The following NPVF variants were observed in gnomAD, a reference collection of about 807,000 sequenced individuals.
The protein encoded by NPVF is pro-FMRFamide-related neuropeptide VF.
NPVF carries 17 observed loss-of-function variants against 15.7 expected under a neutral mutation model. The observed-to-expected ratio is 1.08, with a 90% CI of 0.74 to 1.62. NPVF has a LOEUF of 1.62. NPVF is among the 40% of genes most tolerant of loss of function. The pLI is 0.00. For synonymous variants in NPVF, 70 were observed against 80.1 expected, an observed-to-expected ratio of 0.87 and a Z score of 0.67; for missense variants, 270 against 225.2, an observed-to-expected ratio of 1.20 and a Z score of -1.27.
rs1410456418 is a variant in NPVF at position 25,226,957 on chromosome 7, C to T, written c.208G>A (p.Val70Ile). The change falls in exon 2 of 3, where the codon GTT (valine) becomes ATT (isoleucine). Residue 70 changes from valine to isoleucine, a missense_variant. By Grantham distance (29) the Val-to-Ile change is conservative. Coordinates refer to ENST00000222674, the MANE Select transcript of NPVF (RefSeq NM_022150.3). ...ACTGCAGGTGTACTCATCTTAATAA[C>T]ATTTTTTGGTCCCCAATCTTTTAAT... ...EELKDWGPKN[V>I]IKMSTPAVNK... is the part of the protein sequence containing the mutation. The T allele has an allele frequency of 6.2e-7, 1 of 1,610,452 alleles. No individual in the cohort carries two copies. Among genetic ancestry groups the T allele is most frequent in the South Asian group, 1.1e-5 (1 of 90,632 alleles).
At chr7:25,227,085 C>T in intron 1 of NPVF, 59 bp from the exon 2 acceptor site, 1 of 1,399,346 alleles carries the variant, frequency 7.1e-7, no homozygotes, top group Non-Finnish European at 9.8e-7. Flanking sequence ...CAGATTTAAA[C>T]CCCCAATTAA....
In NPVF at chr7:25,225,185, G is replaced by T; in HGVS notation, c.540-12C>A. On this transcript the variant is annotated splice_polypyrimidine_tract_variant and intron_variant, in intron 2 of 2. Transcript: ENST00000222674. ...TGAATAGCAGTCTCCTAAAATGTAA[G>T]CAGTATAAAATGTTGTCACCCATCA... is the stretch of plus-strand genomic sequence containing the variant. 6.2e-7 allele frequency: 1 copy of T among 1,609,684 alleles called. No individual in the cohort carries two copies. The highest frequency in any genetic ancestry group is 8.5e-7 in the Non-Finnish European group (1 of 1,176,870).
rs1243874151 is a variant in NPVF, at chr7:25,226,951, T to A, written c.214A>T (p.Lys72Ter). 1.6e-6 allele frequency: 2 copies of A among 1,281,726 alleles called. No individual in the cohort carries two copies. Among genetic ancestry groups the A allele is most frequent in the Middle Eastern group, 2.2e-4 (1 of 4,534 alleles). The allele number at this position is 1,281,726 out of a possible 1,614,324, so 79.4% of individuals were successfully genotyped here. The change falls in exon 2 of 3, where the codon AAG becomes TAG. Residue 72 changes from lysine to a stop codon, truncating the protein, a stop_gained. Coordinates refer to ENST00000222674, the MANE Select transcript of NPVF (RefSeq NM_022150.3). LOFTEE classifies it high-confidence loss of function. The stretch of plus-strand genomic sequence containing the variant: ...TTATTGACTGCAGGTGTACTCATCT[T>A]AATAACATTTTTTGGTCCCCAATCT... ...LKDWGPKNVI[K>*]MSTPAVNKMP...
chr7:25,228,201 G>C, intron 1 of NPVF, 101 bp downstream of exon 1: 1 of 844,532 alleles, frequency 1.2e-6, no homozygotes. Flanking sequence ...AAAAAACAGA[G>C]TACACACCAA....
chr7:25,225,092 C>T lies in NPVF; in HGVS notation c.*30G>A, dbSNP rs749375890. 54 of 1,604,304 alleles carry T rather than the reference C, an allele frequency of 3.4e-5. 1 individual carries two copies. In the South Asian group the frequency reaches 6.0e-4, roughly 18 times the overall value. ...TATAGAGCCATTTGTAGATTACAGG[C>T]CACAGCTTTAGGGACAGGCTCCAGG... On this transcript the variant is annotated 3_prime_UTR_variant, in exon 3 of 3. Transcript: ENST00000222674.
intron 2 of NPVF, among the ~76,000 whole-genome samples, chr7:25,225,956 G>A (rs1321768614): frequency 6.6e-6 from 1 of 152,120 alleles, no homozygotes; most frequent in Non-Finnish European, 1.5e-5. Flanking sequence ...TCCTGAGAAG[G>A]TCTCTCAGAT....
intron 1 of NPVF, among the ~76,000 whole-genome samples, chr7:25,227,312 T>A (rs1361748965): frequency 6.6e-6 from 1 of 152,144 alleles, no homozygotes; most frequent in Admixed American, 6.5e-5. Context: ...AGTACTGAAA[T>A]GTGGCAAAAG....
At chr7:25,225,204 C>T (rs755752425) in intron 2 of NPVF, 31 bp from the exon 3 acceptor site, 15 of 1,552,052 alleles carry the variant, frequency 9.7e-6, no homozygotes, top group Admixed American at 1.7e-5. Context: ...AATGTTGTCA[C>T]CCATCAGAAC....
In NPVF at chr7:25,224,905, T is replaced by A. The variant is rs974541504; in HGVS notation, c.*217A>T. 2 of 507,860 alleles carry A rather than the reference T, an allele frequency of 3.9e-6. No individual in the cohort carries two copies. The highest frequency in any genetic ancestry group is 2.0e-5 in the African/African-American group (1 of 50,098). 31.5% of individuals were successfully genotyped at this position (507,860 alleles called of 1,614,324 possible). On this transcript the variant is annotated 3_prime_UTR_variant, in exon 3 of 3. Transcript: ENST00000222674. ...TTTCTAAAGCATTTGCAATGCTTTT[T>A]TTTTATTCAGACAAAAATCATTTTA...
Position 25,226,609 on chromosome 7 carries a change from G to A in NPVF, c.539+17C>T. 1 of 1,609,156 alleles carries A rather than the reference G, an allele frequency of 6.2e-7. No individual in the cohort carries two copies. Among genetic ancestry groups the A allele is most frequent in the South Asian group, 1.1e-5 (1 of 90,456 alleles). Reference sequence around the variant, plus strand: ...ATATAACTGCCCATGCACTTTGACTGGTTTCCAGGTATTTACCTTGACTGT... The same window carrying A: ...ATATAACTGCCCATGCACTTTGACTAGTTTCCAGGTATTTACCTTGACTGT... On this transcript the variant is annotated intron_variant, in intron 2 of 2. Transcript: ENST00000222674.
At chr7:25,227,156 T>A (rs906571750) in intron 1 of NPVF, 130 bp from the exon 2 acceptor site, 2 of 790,412 alleles carry the variant, frequency 2.5e-6, no homozygotes, top group Non-Finnish European at 4.0e-6. Context: ...TGTGTTCATA[T>A]GTGCAGAATT....
At position 25,227,105 on chromosome 7, in the gene NPVF, A is replaced by G. The variant is rs898023254; in HGVS notation, c.139-79T>C. 3.2e-6 allele frequency: 4 copies of G among 1,237,146 alleles called. No individual in the cohort carries two copies. The African/African-American group carries it at 6.1e-5, about 19-fold the overall frequency. 76.6% of individuals were successfully genotyped at this position (1,237,146 alleles called of 1,614,324 possible). A position where few individuals can be genotyped will look rare whatever the true frequency, so the allele number is the denominator to read the frequency against. ...TTAAACCCCCAATTAACTTAAATCT[A>G]GACTTTAATCTGCAGAATTGTTAAA... On this transcript the variant is annotated intron_variant, in intron 1 of 2. Transcript: ENST00000222674.
intron 1 of NPVF, 30 bp from the exon 2 acceptor site, chr7:25,227,056 A>G (rs373162393): frequency 7.7e-6 from 12 of 1,552,882 alleles, no homozygotes; most frequent in East Asian, 4.5e-5. Context: ...TTACAATAAC[A>G]TACTGTTGTT....
intron 1 of NPVF, among the ~76,000 whole-genome samples, chr7:25,227,676 T>A (rs1783148710): frequency 6.6e-6 from 1 of 152,238 alleles, no homozygotes; most frequent in Non-Finnish European, 1.5e-5. Flanking sequence ...GCCAACTTTG[T>A]AGGAACCATC....
chr7:25,227,147 G>T (rs1265176823), intron 1 of NPVF, 121 bp from the exon 2 acceptor site: 3 of 837,852 alleles, frequency 3.6e-6, no homozygotes, highest in Non-Finnish European at 5.5e-6. Flanking sequence ...AACAAAGTTT[G>T]TGTTCATATG....
At chr7:25,227,239 A>G (rs1436629470) in intron 1 of NPVF, among the ~76,000 whole-genome samples, 5 of 152,190 alleles carry the variant, frequency 3.3e-5, no homozygotes, top group Non-Finnish European at 2.9e-5. Flanking sequence ...AGACAACCAT[A>G]AAATATTTAT....
At chr7:25,226,355 A>T (rs1460040921) in intron 2 of NPVF, among the ~76,000 whole-genome samples, 2 of 152,202 alleles carry the variant, frequency 1.3e-5, no homozygotes, top group Non-Finnish European at 2.9e-5. Context: ...GCATGGACTT[A>T]GTGAGCAGCT....
intron 1 of NPVF, among the ~76,000 whole-genome samples, chr7:25,227,302 A>G (rs1783143350): frequency 6.6e-6 from 1 of 152,190 alleles, no homozygotes; most frequent in African/African-American, 2.4e-5. Flanking sequence ...AACATAATGA[A>G]GTACTGAAAT....
At position 25,226,975 on chromosome 7, in the gene NPVF, C is replaced by T. The variant is rs1439404118; in HGVS notation, c.190G>A (p.Asp64Asn). The T allele has an allele frequency of 1.2e-6, 2 of 1,613,950 alleles. No individual in the cohort carries two copies. Among genetic ancestry groups the T allele is most frequent in the Admixed American group, 1.7e-5 (1 of 60,000 alleles). ...ERSLNFEELK[D>N]WGPKNVIKMS... ...TTAATAACATTTTTTGGTCCCCAAT[C>T]TTTTAATTCCTCAAAATTGAGGCTT... Residue 64 changes from aspartate (D) to asparagine (N), a missense_variant, in exon 2 of 3, where the codon GAT becomes AAT. Physicochemically the swap from Asp to Asn is conservative, Grantham distance 23. Coordinates refer to ENST00000222674, the MANE Select transcript of NPVF (RefSeq NM_022150.3).
Sources: gnomAD v4.1 joint callset for allele counts (sites outside exome capture counted in the v4.1 genomes callset) on GRCh38, gnomAD v4.1.1 for gene constraint, MANE v1.5 for transcripts, NCBI Gene and HGNC (gene_info 2026-07-23, HGNC 2026-07-21) for gene names.